Variants in ARHGAP24 observed in about 807,000 individuals in gnomAD.
ARHGAP24 encodes the protein Rho GTPase activating protein 24, also known as rho GTPase-activating protein 24.
A neutral mutation model predicts 76.4 loss-of-function variants in ARHGAP24; 50 were observed. The ratio of observed to expected loss-of-function variants is 0.65; its 90% confidence interval spans 0.52 to 0.83. ARHGAP24 has a LOEUF of 0.83. ARHGAP24 is among the 40% of genes least tolerant of loss of function. The probability of loss-of-function intolerance (pLI) is 0.00; values close to 1 mark genes in which losing one functional copy is unlikely to be tolerated. For synonymous variants in ARHGAP24, 345 were observed against 323.3 expected, an observed-to-expected ratio of 1.07 and a Z score of -0.72; for missense variants, 930 against 914.2, an observed-to-expected ratio of 1.02 and a Z score of -0.22.
At chr4:85,683,109 T>TGGGGA (rs1553922559) in intron 2 of ARHGAP24, among the ~76,000 whole-genome samples, 1 of 17,482 alleles carries the variant, frequency 5.7e-5, no homozygotes, top group African/African-American at 1.7e-4. Context: ...TCTCAGTGTG[T>TGGGGA]GGGGGGGTGG....
intron 1 of ARHGAP24, among the ~76,000 whole-genome samples, chr4:85,494,154 TTTTC>T (rs1230073262): frequency 2.1e-4 from 32 of 152,198 alleles, no homozygotes; most frequent in Non-Finnish European, 4.0e-4. Context: ...GTTTTCTTTT[TTTTC>T]TTTATTTCTT....
chr4:85,794,422 A>T lies in ARHGAP24; in HGVS notation c.268+72450A>T, dbSNP rs533228694. Reference sequence around the variant, plus strand: ...TACAAAGGGAGAAAGAATACTTCCCAAATATAATTGTATACAATGCTTTTT... The same window carrying T: ...TACAAAGGGAGAAAGAATACTTCCCTAATATAATTGTATACAATGCTTTTT... On this transcript the variant is annotated intron_variant, in intron 3 of 9. Coordinates refer to ENST00000395184, the MANE Select transcript of ARHGAP24 (RefSeq NM_001025616.3). 2.0e-5 allele frequency among the ~76,000 whole-genome samples: 3 copies of T among 152,346 alleles called. No individual in the cohort carries two copies. In the South Asian group the frequency reaches 6.2e-4, roughly 32 times the overall value.
intron 8 of ARHGAP24, among the ~76,000 whole-genome samples, chr4:85,981,563 A>G (rs866309135): frequency 6.6e-6 from 1 of 152,190 alleles, no homozygotes; most frequent in African/African-American, 2.4e-5. Context: ...CTGACTTCAC[A>G]GAGCTCAATC....
At chr4:85,898,027 A>G (rs968296103) in intron 3 of ARHGAP24, among the ~76,000 whole-genome samples, 4 of 55,588 alleles carry the variant, frequency 7.2e-5, no homozygotes, top group Non-Finnish European at 1.0e-4. Flanking sequence ...ACACACACAT[A>G]TATGTGTATA....
At chr4:85,513,566 A>AC (rs921062988) in intron 1 of ARHGAP24, among the ~76,000 whole-genome samples, 7 of 151,876 alleles carry the variant, frequency 4.6e-5, no homozygotes, top group Admixed American at 3.9e-4. Context: ...TTTTAAAAAA[A>AC]AAAGCTTCCT....
intron 3 of ARHGAP24, among the ~76,000 whole-genome samples, chr4:85,773,015 ATAGAATGTATGAAAAATGTCTTT>A (rs1310832319): frequency 6.6e-6 from 1 of 152,224 alleles, no homozygotes; most frequent in Non-Finnish European, 1.5e-5. Context: ...TCGTCTGCAA[ATAGAATGTATGAAAAATGTCTTT>A]TACATAATCA....
intron 3 of ARHGAP24, among the ~76,000 whole-genome samples, chr4:85,848,781 C>G (rs144206501): frequency 6.6e-6 from 1 of 151,970 alleles, no homozygotes; most frequent in African/African-American, 2.4e-5. Flanking sequence ...ATTTCTGAGG[C>G]CTCTGTTCTG....
At chr4:85,735,147 A>C (rs1725558681) in intron 3 of ARHGAP24, among the ~76,000 whole-genome samples, 2 of 152,198 alleles carry the variant, frequency 1.3e-5, no homozygotes, top group South Asian at 4.1e-4. Flanking sequence ...GTGTATTCTC[A>C]TAGGATTACA....
At chr4:85,478,486 G>C (rs1722688014) in intron 1 of ARHGAP24, among the ~76,000 whole-genome samples, 1 of 152,160 alleles carries the variant, frequency 6.6e-6, no homozygotes, top group African/African-American at 2.4e-5. Flanking sequence ...AGTTTTCAGT[G>C]GTTATTGTGT....
intron 3 of ARHGAP24, among the ~76,000 whole-genome samples, chr4:85,877,436 G>A (rs999495840): frequency 6.6e-6 from 1 of 152,090 alleles, no homozygotes; most frequent in Non-Finnish European, 1.5e-5. Flanking sequence ...ACCAGCCTGG[G>A]CAACATTGCA....
intron 1 of ARHGAP24, among the ~76,000 whole-genome samples, chr4:85,524,160 T>C (rs1463223159): frequency 1.3e-5 from 2 of 152,142 alleles, no homozygotes; most frequent in African/African-American, 4.8e-5. Flanking sequence ...GATTCACCTA[T>C]GTCAGTATTA....
chr4:85,488,054 C>T (rs1723206060), intron 1 of ARHGAP24, among the ~76,000 whole-genome samples: 3 of 150,534 alleles, frequency 2.0e-5, no homozygotes, highest in Middle Eastern at 3.4e-3. Flanking sequence ...CTACAGGCGC[C>T]GGCCACCACG....
intron 5 of ARHGAP24, among the ~76,000 whole-genome samples, chr4:85,948,423 G>A (rs28369297): frequency 0.013 from 1,910 of 152,128 alleles, 33 homozygotes; most frequent in African/African-American, 0.043. Context: ...TGCAAAACAT[G>A]TTTATTAAAA....
At chr4:85,760,690 CAAG>C (rs1331243631) in intron 3 of ARHGAP24, among the ~76,000 whole-genome samples, 1 of 152,074 alleles carries the variant, frequency 6.6e-6, no homozygotes, top group Non-Finnish European at 1.5e-5. Context: ...TAACAAGATG[CAAG>C]AAGAACAGAA....
chr4:85,482,281 T>C (rs918626612), intron 1 of ARHGAP24, among the ~76,000 whole-genome samples: 9 of 152,230 alleles, frequency 5.9e-5, no homozygotes, highest in African/African-American at 2.2e-4. Context: ...TAACATCATA[T>C]ATGTGTTATA....
intron 2 of ARHGAP24, among the ~76,000 whole-genome samples, chr4:85,638,495 T>C (rs62317215): frequency 0.33 from 49,965 of 152,050 alleles, 9,256 homozygotes; most frequent in East Asian, 0.84. Context: ...CTAGGACTGA[T>C]AGAAACTTAT....
In ARHGAP24 at chr4:85,823,849, T is replaced by TC. The variant is rs1578263498; in HGVS notation, c.269-99796dup. Among the ~76,000 whole-genome samples the TC allele has an allele frequency of 9.7e-5, 14 of 144,090 alleles. No individual in the cohort carries two copies. The East Asian group carries it at 3.1e-3, about 32-fold the overall frequency. 94.5% of individuals were successfully genotyped at this position (144,090 alleles called of 152,430 possible). ...TCCCTTCTTCCCTAGCTCCCTCCCT[T>TC]CCCTCCCCTCCCCTCCCCTCCCCTT... On this transcript the variant is annotated intron_variant, in intron 3 of 9. Coordinates refer to ENST00000395184, the MANE Select transcript of ARHGAP24 (RefSeq NM_001025616.3).
chr4:85,939,520 G>C (rs1736834915), intron 4 of ARHGAP24, among the ~76,000 whole-genome samples: 1 of 152,090 alleles, frequency 6.6e-6, no homozygotes, highest in African/African-American at 2.4e-5. Flanking sequence ...TTATGAAGAT[G>C]AGAGAATATT....
intron 2 of ARHGAP24, among the ~76,000 whole-genome samples, chr4:85,610,449 TA>T (rs1720341974): frequency 9.1e-5 from 3 of 33,072 alleles, no homozygotes; most frequent in African/African-American, 1.5e-4. Context: ...AGACTCCATC[TA>T]CAAAAAAAAA....
Sources: allele counts gnomAD v4.1 joint callset (sites outside exome capture counted in the v4.1 genomes callset), GRCh38; gene constraint gnomAD v4.1.1; transcripts MANE v1.5; gene names NCBI Gene and HGNC (gene_info 2026-07-23, HGNC 2026-07-21).